The following PLD5 variants were observed in gnomAD, a reference collection of about 807,000 sequenced individuals.
The protein encoded by PLD5 is inactive phospholipase D5.
PLD5 carries 36 observed loss-of-function variants against 61.1 expected under a neutral mutation model. The ratio of observed to expected loss-of-function variants is 0.59; its 90% CI spans 0.45 to 0.78. The LOEUF is 0.78. PLD5 is among the 30% of genes least tolerant of loss of function. The pLI is 0.00. For synonymous variants in PLD5, 243 were observed against 242.8 expected (o/e 1.00, Z -0.01); for missense variants, 515 against 644.4 (o/e 0.80, Z 2.17).
chr1:242,177,802 C>T (rs1468080308), intron 5 of PLD5: 4 of 152,234 alleles, frequency 2.6e-5, no homozygotes, highest in African/African-American at 7.2e-5. Context: ...TCCACTGATC[C>T]TTTGTCACTA....
At chr1:242,339,990 G>C (rs1659740867) in intron 2 of PLD5, among the ~76,000 whole-genome samples, 1 of 152,112 alleles carries the variant, frequency 6.6e-6, no homozygotes, top group Non-Finnish European at 1.5e-5. Flanking sequence ...TCTCCTCTTA[G>C]AGCTTAGAAA....
chr1:242,258,033 A>T (rs1445739156), intron 4 of PLD5, among the ~76,000 whole-genome samples: 1 of 152,126 alleles, frequency 6.6e-6, no homozygotes, highest in Non-Finnish European at 1.5e-5. Context: ...ATGATTTCTG[A>T]TATCTTTCTT....
intron 1 of PLD5, among the ~76,000 whole-genome samples, chr1:242,476,771 A>AT (rs1003493367): frequency 1.8e-4 from 28 of 152,032 alleles, no homozygotes; most frequent in African/African-American, 5.5e-4. Flanking sequence ...CCCCAGGTTT[A>AT]TTTTTTTTCA....
chr1:242,278,138 T>G (rs1674514497), intron 3 of PLD5, among the ~76,000 whole-genome samples: 1 of 152,112 alleles, frequency 6.6e-6, no homozygotes, highest in Non-Finnish European at 1.5e-5. Context: ...AGTTTCCAAA[T>G]TTTTGATCGT....
At chr1:242,518,344 C>G (rs982369778) in intron 1 of PLD5, among the ~76,000 whole-genome samples, 2 of 152,182 alleles carry the variant, frequency 1.3e-5, no homozygotes, top group Non-Finnish European at 2.9e-5. Context: ...GTACCCTAAA[C>G]TTTTAGCACA....
At chr1:242,426,412 G>C (rs1433769720) in intron 1 of PLD5, among the ~76,000 whole-genome samples, 1 of 151,810 alleles carries the variant, frequency 6.6e-6, no homozygotes, top group Non-Finnish European at 1.5e-5. Flanking sequence ...ACCATTTCCT[G>C]TCATTATCAA....
intron 1 of PLD5, among the ~76,000 whole-genome samples, chr1:242,434,709 C>G (rs371421539): frequency 6.6e-6 from 1 of 152,064 alleles, no homozygotes; most frequent in Non-Finnish European, 1.5e-5. Context: ...CGCCTCCCAG[C>G]TTCACGTCAT....
chr1:242,395,674 CAT>C (rs1048065476), intron 1 of PLD5, among the ~76,000 whole-genome samples: 1 of 152,150 alleles, frequency 6.6e-6, no homozygotes, highest in Non-Finnish European at 1.5e-5. Flanking sequence ...AAACATAGAA[CAT>C]AAAGAGATGC....
At chr1:242,216,664 T>A (rs563527097) in intron 5 of PLD5, among the ~76,000 whole-genome samples, 1 of 152,184 alleles carries the variant, frequency 6.6e-6, no homozygotes, top group Admixed American at 6.5e-5. Flanking sequence ...TACAGCACCT[T>A]CTTTACAGCA....
In PLD5 at chr1:242,196,546, G is replaced by A. The variant is rs575442121; in HGVS notation, c.735+23442C>T. Among the ~76,000 whole-genome samples, 290 of 152,152 alleles carry A rather than the reference G, an allele frequency of 1.9e-3. 5 individuals are homozygous for A. Among genetic ancestry groups the A allele is most frequent in the African/African-American group, 7.0e-4 (29 of 41,502 alleles). ...GGTGTCTTACACACACACACAAAAT[G>A]TATATACACACATATATAAATGCAT... is the stretch of plus-strand genomic sequence containing the variant. On this transcript the variant is annotated intron_variant, in intron 5 of 9. Coordinates refer to ENST00000536534, the MANE Select transcript of PLD5 (RefSeq NM_001372062.1).
intron 1 of PLD5, among the ~76,000 whole-genome samples, chr1:242,357,675 C>A (rs149031718): frequency 2.1e-3 from 322 of 152,164 alleles, no homozygotes; most frequent in African/African-American, 7.5e-3. Context: ...GTAGTAGGGA[C>A]AGGGTTTCAC....
intron 6 of PLD5, among the ~76,000 whole-genome samples, chr1:242,114,501 A>G (rs527372613): frequency 3.4e-4 from 52 of 152,338 alleles, no homozygotes; most frequent in Non-Finnish European, 1.6e-4. Context: ...CTACGGTCCT[A>G]TAGAACAAGG....
At chr1:242,475,377 T>C (rs559442187) in intron 1 of PLD5, among the ~76,000 whole-genome samples, 25 of 134,976 alleles carry the variant, frequency 1.9e-4, no homozygotes, top group South Asian at 4.6e-4. Context: ...GAGCCGAGAT[T>C]GCGCCACTGC....
intron 5 of PLD5, among the ~76,000 whole-genome samples, chr1:242,187,515 C>G (rs1007002482): frequency 6.6e-6 from 1 of 152,048 alleles, no homozygotes; most frequent in Non-Finnish European, 1.5e-5. Flanking sequence ...TATTAATATA[C>G]AAATATATAA....
intron 5 of PLD5, among the ~76,000 whole-genome samples, chr1:242,170,783 G>A (rs547274724): frequency 2.0e-5 from 3 of 152,156 alleles, no homozygotes; most frequent in African/African-American, 4.8e-5. Flanking sequence ...TAGCCAAATC[G>A]ATCAAGGGGA....
intron 9 of PLD5, among the ~76,000 whole-genome samples, chr1:242,090,575 A>G (rs1460303248): frequency 6.6e-6 from 1 of 152,246 alleles, no homozygotes; most frequent in Admixed American, 6.5e-5. Context: ...GAGGAGACTC[A>G]GTTCCTAACA....
At chr1:242,204,181 T>G (rs1669174017) in intron 5 of PLD5, among the ~76,000 whole-genome samples, 1 of 151,750 alleles carries the variant, frequency 6.6e-6, no homozygotes, top group African/African-American at 2.4e-5. Flanking sequence ...AGGCGAAGCT[T>G]GCAGTGAGCT....
intron 1 of PLD5, among the ~76,000 whole-genome samples, chr1:242,406,647 G>C (rs757498069): frequency 1.3e-5 from 2 of 152,220 alleles, no homozygotes; most frequent in Non-Finnish European, 2.9e-5. Flanking sequence ...TTAGTTCTGA[G>C]AGAAATGCTC....
intron 6 of PLD5, among the ~76,000 whole-genome samples, chr1:242,117,979 C>T (rs1205198133): frequency 2.6e-5 from 1 of 38,880 alleles, no homozygotes; most frequent in African/African-American, 2.7e-4. Context: ...TCCAAATGCT[C>T]ACATTTGTTT....
Sources: allele counts gnomAD v4.1 joint callset (sites outside exome capture counted in the v4.1 genomes callset), GRCh38; gene constraint gnomAD v4.1.1; transcripts MANE v1.5; gene names NCBI Gene and HGNC (gene_info 2026-07-23, HGNC 2026-07-21).